Variants in SHOC2 observed in about 807,000 individuals in gnomAD.
SHOC2 encodes SHOC2 leucine rich repeat scaffold protein, also known as leucine-rich repeat protein SHOC-2.
SHOC2 carries 4 observed loss-of-function variants against 50.2 expected under a neutral mutation model. That is an observed-to-expected ratio of 0.08 (90% CI 0.04 to 0.18). SHOC2 has a LOEUF of 0.18. Among genes scored for constraint, SHOC2 ranks in the 10% least tolerant of loss-of-function variants. The probability of loss-of-function intolerance (pLI) is 1.00; values close to 1 mark genes in which losing one functional copy is unlikely to be tolerated. For synonymous variants in SHOC2, 218 were observed against 244.5 expected (o/e 0.89, Z 1.01); for missense variants, 388 against 669.6 (o/e 0.58, Z 4.64).
chr10:110,937,839 A>G (rs1050080118), intron 1 of SHOC2, among the ~76,000 whole-genome samples: 1 of 152,206 alleles, frequency 6.6e-6, no homozygotes, highest in Non-Finnish European at 1.5e-5. Context: ...AAACATTAAG[A>G]ATGAAACTAG....
At chr10:110,989,860 A>G (rs1349127861) in intron 3 of SHOC2, among the ~76,000 whole-genome samples, 1 of 152,126 alleles carries the variant, frequency 6.6e-6, no homozygotes, top group Non-Finnish European at 1.5e-5. Flanking sequence ...TGTTTGCCAT[A>G]TATATTCAGT....
At chr10:110,928,601 A>T (rs1846823611) in intron 1 of SHOC2, among the ~76,000 whole-genome samples, 1 of 152,182 alleles carries the variant, frequency 6.6e-6, no homozygotes. Flanking sequence ...ATTTGCTTTA[A>T]ACATCAGCTG....
At chr10:110,940,840 C>G (rs576763532) in intron 1 of SHOC2, among the ~76,000 whole-genome samples, 4 of 150,706 alleles carry the variant, frequency 2.7e-5, no homozygotes, top group African/African-American at 9.8e-5. Flanking sequence ...GATTCACACA[C>G]TCTTTCTATA....
At chr10:110,939,636 A>ACGTATGTCAACTTTGATGTTAGATTATG (rs1564705310) in intron 1 of SHOC2, among the ~76,000 whole-genome samples, 2 of 152,084 alleles carry the variant, frequency 1.3e-5, no homozygotes, top group African/African-American at 2.4e-5. Context: ...GTTAGATTAT[A>ACGTATGTCAACTTTGATGTTAGATTATG]ACGTATGTCA....
chr10:110,993,841 G>A (rs1848224255), intron 3 of SHOC2, among the ~76,000 whole-genome samples: 1 of 152,112 alleles, frequency 6.6e-6, no homozygotes, highest in South Asian at 2.1e-4. Flanking sequence ...TGTTACCACA[G>A]AAAGTTTTTT....
intron 2 of SHOC2, among the ~76,000 whole-genome samples, chr10:110,978,861 T>C (rs1847922195): frequency 6.6e-6 from 1 of 152,248 alleles, no homozygotes; most frequent in Admixed American, 6.5e-5. Context: ...ACTTGAGATT[T>C]ACTTTTCACC....
chr10:110,937,831 A>G (rs7901405), intron 1 of SHOC2, among the ~76,000 whole-genome samples: 152,310 of 152,362 alleles, frequency 1, 76,129 homozygotes, highest in Middle Eastern at 1. Flanking sequence ...GCATTAAAAA[A>G]CATTAAGAAT....
rs183533269 is a variant in SHOC2, at chr10:110,993,317, G to C, written c.842-7098G>C. Among the ~76,000 whole-genome samples the C allele has an allele frequency of 2.0e-5, 3 of 152,208 alleles. No individual in the cohort carries two copies. The East Asian group carries it at 5.8e-4, about 29-fold the overall frequency. On this transcript the variant is annotated intron_variant, in intron 3 of 8. Coordinates refer to ENST00000369452, the MANE Select transcript of SHOC2 (RefSeq NM_007373.4). ...GGTTAGAGCTGAAACCACTGCAGAG[G>C]GTGAATCACAATAAATGCCAGACTT...
chr10:110,985,879 A>G, intron 3 of SHOC2, 114 bp downstream of exon 3: 2 of 871,096 alleles, frequency 2.3e-6, no homozygotes, highest in Non-Finnish European at 1.9e-6. Context: ...ACAATTACCA[A>G]AGTTGTAAAA....
At chr10:110,937,447 A>G (rs1188769216) in intron 1 of SHOC2, among the ~76,000 whole-genome samples, 1 of 152,238 alleles carries the variant, frequency 6.6e-6, no homozygotes, top group Non-Finnish European at 1.5e-5. Context: ...GAGCTCTTCT[A>G]GCATCCCTCT....
intron 2 of SHOC2, among the ~76,000 whole-genome samples, chr10:110,972,495 C>T (rs1847801453): frequency 6.6e-6 from 1 of 152,176 alleles, no homozygotes. Context: ...CAAATGAACT[C>T]TTTACTTATT....
At chr10:110,971,075 T>G (rs960211379) in intron 2 of SHOC2, among the ~76,000 whole-genome samples, 8 of 152,166 alleles carry the variant, frequency 5.3e-5, no homozygotes, top group African/African-American at 1.9e-4. Context: ...TTGTCTATTT[T>G]TGCTTGGGTT....
At chr10:110,997,043 G>T (rs577214402) in intron 3 of SHOC2, among the ~76,000 whole-genome samples, 1 of 152,178 alleles carries the variant, frequency 6.6e-6, no homozygotes, top group African/African-American at 2.4e-5. Flanking sequence ...TCTTTATTTG[G>T]CAAATGGTGT....
At chr10:110,984,349 G>GT (rs1848039214) in intron 2 of SHOC2, among the ~76,000 whole-genome samples, 3 of 151,946 alleles carry the variant, frequency 2.0e-5, no homozygotes, top group South Asian at 4.2e-4. Context: ...CTTCTTTGAG[G>GT]TTTTTTGTGG....
chr10:110,957,537 C>G (rs56137343), intron 1 of SHOC2, among the ~76,000 whole-genome samples: 15 of 150,064 alleles, frequency 1.0e-4, no homozygotes, highest in South Asian at 6.5e-4. Flanking sequence ...AAGATACCCC[C>G]CCCCCAGCCC....
intron 1 of SHOC2, among the ~76,000 whole-genome samples, chr10:110,947,689 A>G (rs1428281755): frequency 2.0e-5 from 3 of 152,140 alleles, no homozygotes; most frequent in African/African-American, 7.2e-5. Flanking sequence ...TATTATAACT[A>G]CAAGATGTCT....
intron 2 of SHOC2, among the ~76,000 whole-genome samples, chr10:110,972,096 A>G (rs1355157136): frequency 6.6e-6 from 1 of 151,216 alleles, no homozygotes; most frequent in African/African-American, 2.4e-5. Context: ...GCTCAGTACT[A>G]TTAACCTATT....
In SHOC2 at chr10:110,978,930, A is replaced by T. The variant is rs530291477; in HGVS notation, c.704-6698A>T. 5.7e-4 allele frequency among the ~76,000 whole-genome samples: 87 copies of T among 152,344 alleles called. No individual in the cohort carries two copies. In the South Asian group the frequency reaches 7.7e-3, roughly 13 times the overall value. On this transcript the variant is annotated intron_variant, in intron 2 of 8. Coordinates refer to ENST00000369452, the MANE Select transcript of SHOC2 (RefSeq NM_007373.4). ...TTATAAAAAGGCATTTATGAAAGTA[A>T]ATCTCATGTGATTGCTGTATTAGTT... is the stretch of plus-strand genomic sequence containing the variant.
chr10:111,004,576 A>G, intron 4 of SHOC2, 30 bp from the exon 5 acceptor site: 1 of 1,521,152 alleles, frequency 6.6e-7, no homozygotes, highest in South Asian at 1.1e-5. Flanking sequence ...CACAGTTCTA[A>G]TTCTTATGTT....
Sources: gnomAD v4.1 joint callset for allele counts (sites outside exome capture counted in the v4.1 genomes callset) on GRCh38, gnomAD v4.1.1 for gene constraint, MANE v1.5 for transcripts, NCBI Gene and HGNC (gene_info 2026-07-23, HGNC 2026-07-21) for gene names.